The following LMBR1 variants were observed in gnomAD, a reference collection of about 807,000 sequenced individuals.
LMBR1 encodes the protein limb development membrane protein 1.
LMBR1 carries 52 observed loss-of-function variants against 73.9 expected under a neutral mutation model. That is an observed-to-expected ratio of 0.70 (90% CI 0.56 to 0.89). The LOEUF is 0.89. Ranked by LOEUF, LMBR1 falls within the 40% of genes least tolerant of loss-of-function variation. The pLI, the probability that LMBR1 is intolerant of heterozygous loss-of-function variation, is 0.00. For synonymous variants in LMBR1, 215 were observed against 209.4 expected (o/e 1.03, Z -0.23); for missense variants, 539 against 579.8 (o/e 0.93, Z 0.72).
intron 1 of LMBR1, among the ~76,000 whole-genome samples, chr7:156,846,998 A>G (rs1193634271): frequency 6.6e-6 from 1 of 152,186 alleles, no homozygotes; most frequent in Non-Finnish European, 1.5e-5. Flanking sequence ...TAAAAAGAAG[A>G]AAGAGGACTG....
chr7:156,785,973 ATGATT>A (rs1447369628), intron 5 of LMBR1, among the ~76,000 whole-genome samples: 1 of 152,174 alleles, frequency 6.6e-6, no homozygotes, highest in Non-Finnish European at 1.5e-5. Context: ...TATTAACTGA[ATGATT>A]TAATTATGCC....
chr7:156,755,489 G>A (rs903558623), intron 9 of LMBR1, among the ~76,000 whole-genome samples: 1 of 152,170 alleles, frequency 6.6e-6, no homozygotes, highest in Non-Finnish European at 1.5e-5. Context: ...ACACTGCAGG[G>A]AGCAGCTTGA....
In LMBR1 at chr7:156,892,928, C is replaced by T. The variant is rs1803439323; in HGVS notation, c.66G>A (p.Thr22=). The change falls in exon 1 of 17, where the codon ACG becomes ACA. Residue 22 remains threonine (T), a splice_region_variant and synonymous_variant. Transcript: ENST00000353442. ...CAGGGCTGCCTCGGTCCCCACGCACCGTGGACTCCCGCACTTGGCTGTGGA... is the reference window on the plus strand; with the variant it reads ...CAGGGCTGCCTCGGTCCCCACGCACTGTGGACTCCCGCACTTGGCTGTGGA... The part of the protein sequence containing the change: ...QHFHSQVRES[T]ICFLLFAILY... 1 of 1,530,368 alleles carries T rather than the reference C, an allele frequency of 6.5e-7. No homozygotes were observed. Among genetic ancestry groups the T allele is most frequent in the South Asian group, 1.2e-5 (1 of 83,078 alleles). The allele number at this position is 1,530,368 out of a possible 1,614,324, so 94.8% of individuals were successfully genotyped here. A position where few individuals can be genotyped will look rare whatever the true frequency, so the allele number is the denominator to read the frequency against.
chr7:156,742,383 A>G (rs1002900678), intron 9 of LMBR1, among the ~76,000 whole-genome samples: 2 of 152,142 alleles, frequency 1.3e-5, no homozygotes, highest in Admixed American at 6.5e-5. Flanking sequence ...CCAGACCAAG[A>G]AAAAAAAGAG....
At chr7:156,726,332 C>A (rs1815743981) in intron 12 of LMBR1, among the ~76,000 whole-genome samples, 1 of 151,990 alleles carries the variant, frequency 6.6e-6, no homozygotes, top group African/African-American at 2.4e-5. Flanking sequence ...GTTTCCTTTG[C>A]CCAAATTTTC....
chr7:156,794,866 G>C (rs912627231), intron 5 of LMBR1, among the ~76,000 whole-genome samples: 42 of 151,982 alleles, frequency 2.8e-4, no homozygotes, highest in African/African-American at 8.7e-4. Flanking sequence ...GTACTCCTTT[G>C]TACTCCTTTC....
intron 15 of LMBR1, among the ~76,000 whole-genome samples, chr7:156,705,541 C>T (rs925119509): frequency 5.3e-5 from 8 of 152,010 alleles, no homozygotes; most frequent in African/African-American, 1.9e-4. Context: ...CTGGGAGACA[C>T]AGTGAGACTC....
chr7:156,830,060 C>T (rs184510065), intron 3 of LMBR1, among the ~76,000 whole-genome samples: 54 of 152,298 alleles, frequency 3.5e-4, no homozygotes, highest in African/African-American at 1.1e-3. Flanking sequence ...ACGGTCAAAT[C>T]CATCAGATCC....
At chr7:156,850,245 A>G (rs1796057335) in intron 1 of LMBR1, among the ~76,000 whole-genome samples, 1 of 152,124 alleles carries the variant, frequency 6.6e-6, no homozygotes. Flanking sequence ...TCTGCCTTCC[A>G]CCATGGGATG....
At chr7:156,854,094 G>A (rs546815048) in intron 1 of LMBR1, among the ~76,000 whole-genome samples, 221 of 152,088 alleles carry the variant, frequency 1.5e-3, no homozygotes, top group Non-Finnish European at 2.5e-3. Flanking sequence ...AACATGAAAG[G>A]AGCTTGGAAG....
chr7:156,801,291 A>G (rs1830918000), intron 4 of LMBR1, among the ~76,000 whole-genome samples: 1 of 152,244 alleles, frequency 6.6e-6, no homozygotes, highest in African/African-American at 2.4e-5. Context: ...CTCCACCAGC[A>G]AAAAGATTAC....
At chr7:156,825,481 C>T (rs1835512224) in intron 4 of LMBR1, among the ~76,000 whole-genome samples, 1 of 152,146 alleles carries the variant, frequency 6.6e-6, no homozygotes, top group Admixed American at 6.5e-5. Flanking sequence ...GATAGACACC[C>T]TGTTTACCCT....
intron 1 of LMBR1, among the ~76,000 whole-genome samples, chr7:156,869,625 A>T (rs2134293868): frequency 6.6e-6 from 1 of 152,332 alleles, no homozygotes; most frequent in East Asian, 1.9e-4. Context: ...GACTAACAAA[A>T]AACAACAAAA....
intron 5 of LMBR1, among the ~76,000 whole-genome samples, chr7:156,783,772 T>C (rs1258252584): frequency 6.6e-6 from 1 of 152,170 alleles, no homozygotes; most frequent in Non-Finnish European, 1.5e-5. Context: ...CATGAAAACA[T>C]TCCTATCCCT....
At chr7:156,735,116 T>A (rs1817610806) in intron 9 of LMBR1, among the ~76,000 whole-genome samples, 2 of 152,234 alleles carry the variant, frequency 1.3e-5, no homozygotes, top group African/African-American at 4.8e-5. Flanking sequence ...ACATTTTGGT[T>A]CTAATTATTT....
At chr7:156,835,918 T>G (rs1349254847) in intron 2 of LMBR1, among the ~76,000 whole-genome samples, 2 of 152,210 alleles carry the variant, frequency 1.3e-5, no homozygotes, top group Admixed American at 6.5e-5. Context: ...ATTCTTTCTC[T>G]CTCCCTCCTT....
At chr7:156,724,444 C>T (rs1282964567) in intron 14 of LMBR1, among the ~76,000 whole-genome samples, 2 of 152,108 alleles carry the variant, frequency 1.3e-5, no homozygotes, top group Non-Finnish European at 2.9e-5. Context: ...CTAGATAATG[C>T]ACTTTACATT....
At chr7:156,713,870 T>G (rs569287929) in intron 15 of LMBR1, among the ~76,000 whole-genome samples, 108 of 152,320 alleles carry the variant, frequency 7.1e-4, no homozygotes, top group African/African-American at 2.5e-3. Context: ...CCAATTACAT[T>G]TATTTAGAAA....
At position 156,842,398 on chromosome 7, in the gene LMBR1, G is replaced by A. The variant is rs187946721; in HGVS notation, c.67-5513C>T. On this transcript the variant is annotated intron_variant, in intron 1 of 16. Transcript: ENST00000353442. ...AGACAGTTATTTAATTAAGATGTGC[G>A]TTATATTATTTTTTACTTTTTAAGG... Among the ~76,000 whole-genome samples, 30 of 152,102 alleles carry A rather than the reference G, an allele frequency of 2.0e-4. 2 individuals are homozygous for A. The highest frequency in any genetic ancestry group is 1.8e-3 in the Admixed American group (27 of 15,264).
Sources: allele counts gnomAD v4.1 joint callset (sites outside exome capture counted in the v4.1 genomes callset), GRCh38; gene constraint gnomAD v4.1.1; transcripts MANE v1.5; gene names NCBI Gene and HGNC (gene_info 2026-07-23, HGNC 2026-07-21).